Variants in RGS7 observed in about 807,000 individuals in gnomAD.
RGS7 encodes regulator of G-protein signaling 7.
Under a neutral mutation model 81.1 loss-of-function variants are expected in RGS7, and 27 were observed. The ratio of observed to expected loss-of-function variants is 0.33; its 90% CI spans 0.25 to 0.46. The LOEUF is 0.46. Among genes scored for constraint, RGS7 ranks in the 20% least tolerant of loss-of-function variants. The pLI is 1.00. For synonymous variants in RGS7, 208 were observed against 207.7 expected (o/e 1.00, Z -0.01); for missense variants, 396 against 607.4 (o/e 0.65, Z 3.66).
At chr1:241,162,763 A>G (rs1195940776) in intron 2 of RGS7, among the ~76,000 whole-genome samples, 5 of 152,180 alleles carry the variant, frequency 3.3e-5, no homozygotes, top group Admixed American at 6.5e-5. Context: ...AAGCATTATC[A>G]TTATTATTCC....
chr1:240,919,708 A>G (rs1673185862), intron 6 of RGS7: 4 of 603,526 alleles, frequency 6.6e-6, no homozygotes, highest in South Asian at 4.0e-5. Context: ...TCTTCATTGG[A>G]GGGCTGAGCT....
At chr1:241,044,011 CTT>C in intron 3 of RGS7, among the ~76,000 whole-genome samples, 1 of 152,000 alleles carries the variant, frequency 6.6e-6, no homozygotes, top group African/African-American at 2.4e-5. Context: ...CTACTACAAT[CTT>C]TGTGCTACTT....
intron 2 of RGS7, among the ~76,000 whole-genome samples, chr1:241,340,176 G>A (rs936081169): frequency 3.9e-5 from 6 of 152,082 alleles, no homozygotes; most frequent in African/African-American, 1.4e-4. Context: ...ACACCACATC[G>A]ATTAAAAGAA....
chr1:241,087,986 A>C (rs2063563188), intron 3 of RGS7, among the ~76,000 whole-genome samples: 1 of 90,884 alleles, frequency 1.1e-5, no homozygotes, highest in African/African-American at 4.8e-5. Flanking sequence ...CTATATATAT[A>C]TATATATATA....
At chr1:240,934,858 A>T (rs1676318694) in intron 5 of RGS7, among the ~76,000 whole-genome samples, 4 of 105,866 alleles carry the variant, frequency 3.8e-5, no homozygotes, top group East Asian at 3.0e-4. Flanking sequence ...GTGTATGGTG[A>T]TCCCTTCCTT....
At chr1:241,324,259 A>G (rs1198121455) in intron 2 of RGS7, among the ~76,000 whole-genome samples, 6 of 152,064 alleles carry the variant, frequency 3.9e-5, no homozygotes, top group Admixed American at 3.3e-4. Context: ...TAGGTAGACT[A>G]TTATAGTTAA....
At chr1:240,986,215 C>T (rs554746917) in intron 3 of RGS7, among the ~76,000 whole-genome samples, 6 of 152,130 alleles carry the variant, frequency 3.9e-5, no homozygotes, top group East Asian at 1.9e-4. Flanking sequence ...TTATTACTGT[C>T]GAATCCTAGC....
intron 3 of RGS7, among the ~76,000 whole-genome samples, chr1:241,057,707 A>G (rs2061540595): frequency 1.3e-5 from 2 of 152,038 alleles, no homozygotes; most frequent in Non-Finnish European, 2.9e-5. Context: ...TGAGGTCAGG[A>G]GTTCGAGACC....
At chr1:240,865,006 G>T (rs183927862) in intron 9 of RGS7, among the ~76,000 whole-genome samples, 3 of 150,372 alleles carry the variant, frequency 2.0e-5, no homozygotes, top group Non-Finnish European at 4.4e-5. Flanking sequence ...TTCTTTTCAC[G>T]AAGAAAGCTG....
intron 2 of RGS7, among the ~76,000 whole-genome samples, chr1:241,324,431 A>G (rs2081382511): frequency 6.6e-6 from 1 of 152,048 alleles, no homozygotes; most frequent in Admixed American, 6.6e-5. Context: ...TGTATAATCC[A>G]TTTTCTCTGC....
chr1:240,876,792 C>T (rs1665495022), intron 6 of RGS7, among the ~76,000 whole-genome samples: 1 of 152,078 alleles, frequency 6.6e-6, no homozygotes, highest in African/African-American at 2.4e-5. Flanking sequence ...GAAACCCAAT[C>T]TCTACTAAAA....
intron 2 of RGS7, among the ~76,000 whole-genome samples, chr1:241,261,089 A>T (rs1324083342): frequency 6.6e-6 from 1 of 152,026 alleles, no homozygotes; most frequent in Non-Finnish European, 1.5e-5. Flanking sequence ...AAAAAAATTA[A>T]AACAAAACAA....
intron 2 of RGS7, among the ~76,000 whole-genome samples, chr1:241,341,092 C>A (rs1162566147): frequency 6.6e-6 from 1 of 152,162 alleles, no homozygotes; most frequent in Non-Finnish European, 1.5e-5. Context: ...CATTAAAACA[C>A]AGAAGCTCAT....
intron 18 of RGS7, among the ~76,000 whole-genome samples, chr1:240,778,424 G>C (rs574705100): frequency 1.3e-5 from 2 of 152,352 alleles, no homozygotes; most frequent in South Asian, 2.1e-4. Flanking sequence ...GATATGAACA[G>C]CAGCAATGAA....
At chr1:241,113,400 T>G (rs1399618163) in intron 2 of RGS7, among the ~76,000 whole-genome samples, 1 of 152,178 alleles carries the variant, frequency 6.6e-6, no homozygotes, top group Non-Finnish European at 1.5e-5. Context: ...ACCTAGGTAG[T>G]TTGAAATGCC....
chr1:241,267,636 C>T lies in RGS7; in HGVS notation c.78+88063G>A, dbSNP rs572406631. 2.0e-5 allele frequency among the ~76,000 whole-genome samples: 3 copies of T among 152,254 alleles called. No individual in the cohort carries two copies. The South Asian group carries it at 6.2e-4, about 32-fold the overall frequency. ...TCCAGTGATCACATGCTAGAGCCCC[C>T]CATTTTCACATCTTTTCTCTACTCT... is the stretch of plus-strand genomic sequence containing the variant. On this transcript the variant is annotated intron_variant, in intron 2 of 18. Transcript: ENST00000440928.
intron 4 of RGS7, among the ~76,000 whole-genome samples, chr1:240,966,153 C>T (rs1682259520): frequency 1.3e-5 from 2 of 152,042 alleles, no homozygotes; most frequent in East Asian, 1.9e-4. Flanking sequence ...CCTACTCATT[C>T]TCCCTAAACT....
At position 241,225,614 on chromosome 1, in the gene RGS7, C is replaced by G. The variant is rs138650993; in HGVS notation, c.79-126852G>C. ...TATGGATGTGAAATGTTTGATATGC[C>G]TTTTAGAGAGATATTACAGGCCTTT... On this transcript the variant is annotated intron_variant, in intron 2 of 18. Transcript: ENST00000440928. Among the ~76,000 whole-genome samples the G allele has an allele frequency of 2.6e-4, 39 of 152,214 alleles. 1 individual carries two copies. Among genetic ancestry groups the G allele is most frequent in the African/African-American group, 8.2e-4 (34 of 41,534 alleles).
At chr1:241,140,201 A>C (rs1031949350) in intron 2 of RGS7, among the ~76,000 whole-genome samples, 5 of 152,160 alleles carry the variant, frequency 3.3e-5, no homozygotes, top group Non-Finnish European at 5.9e-5. Context: ...TGTGGGCTGC[A>C]GTTTGGAAGT....
Sources: gnomAD v4.1 joint callset for allele counts (sites outside exome capture counted in the v4.1 genomes callset) on GRCh38, gnomAD v4.1.1 for gene constraint, MANE v1.5 for transcripts, NCBI Gene and HGNC (gene_info 2026-07-23, HGNC 2026-07-21) for gene names.